XKR4: variants seen among roughly 807,000 people sequenced by gnomAD.
The protein encoded by XKR4 is XK related 4.
XKR4 carries 12 observed loss-of-function variants against 53.9 expected under a neutral mutation model. The observed-to-expected ratio is 0.22, with a 90% confidence interval of 0.14 to 0.36. XKR4 has a LOEUF of 0.36. XKR4 is among the 10% of genes least tolerant of loss of function. The pLI, the probability that XKR4 is intolerant of heterozygous loss-of-function variation, is 1.00. For missense variants in XKR4, 799 were observed against 859.5 expected (o/e 0.93, Z 0.88); for synonymous variants, 354 against 362.4 (o/e 0.98, Z 0.26).
At chr8:55,403,208 T>C (rs1298294485) in intron 2 of XKR4, among the ~76,000 whole-genome samples, 1 of 152,234 alleles carries the variant, frequency 6.6e-6, no homozygotes, top group Non-Finnish European at 1.5e-5. Flanking sequence ...CATATCAGCT[T>C]CAAGCATCTG....
At chr8:55,198,308 G>A (rs555831221) in intron 1 of XKR4, among the ~76,000 whole-genome samples, 1 of 152,222 alleles carries the variant, frequency 6.6e-6, no homozygotes, top group African/African-American at 2.4e-5. Flanking sequence ...GTAGTGTGAC[G>A]CCAAATCTAA....
intron 1 of XKR4, among the ~76,000 whole-genome samples, chr8:55,205,846 C>T (rs767507145): frequency 5.3e-5 from 8 of 152,148 alleles, no homozygotes; most frequent in African/African-American, 9.7e-5. Context: ...AATGAAGTCG[C>T]GGACCCTCGT....
chr8:55,162,650 A>G (rs1280128824), intron 1 of XKR4, among the ~76,000 whole-genome samples: 1 of 152,150 alleles, frequency 6.6e-6, no homozygotes, highest in African/African-American at 2.4e-5. Flanking sequence ...TTTCCACTAC[A>G]ATTGAAAGTC....
chr8:55,471,433 G>A (rs903173470), intron 2 of XKR4, among the ~76,000 whole-genome samples: 2 of 152,078 alleles, frequency 1.3e-5, no homozygotes, highest in African/African-American at 2.4e-5. Flanking sequence ...TTAGAAGTGC[G>A]CATCCATGCA....
intron 2 of XKR4, among the ~76,000 whole-genome samples, chr8:55,498,767 T>G (rs1563367095): frequency 1.3e-5 from 2 of 152,020 alleles, no homozygotes; most frequent in African/African-American, 4.8e-5. Flanking sequence ...AATGAGACCC[T>G]GAGAGAGACA....
chr8:55,314,637 A>G (rs2086976150), intron 1 of XKR4, among the ~76,000 whole-genome samples: 1 of 152,186 alleles, frequency 6.6e-6, no homozygotes, highest in Non-Finnish European at 1.5e-5. Flanking sequence ...TTTGACCACA[A>G]TATTTGATTT....
chr8:55,489,592 G>C (rs1442169170), intron 2 of XKR4, among the ~76,000 whole-genome samples: 1 of 150,256 alleles, frequency 6.7e-6, no homozygotes, highest in Non-Finnish European at 1.5e-5. Flanking sequence ...TAACACTTTT[G>C]TTATTTAAAA....
intron 2 of XKR4, among the ~76,000 whole-genome samples, chr8:55,479,687 A>T (rs909199941): frequency 3.3e-5 from 5 of 152,182 alleles, no homozygotes; most frequent in African/African-American, 1.2e-4. Flanking sequence ...AGAAGAATCA[A>T]ATAGGCGCAA....
chr8:55,406,137 A>G (rs1804678801), intron 2 of XKR4, among the ~76,000 whole-genome samples: 1 of 152,258 alleles, frequency 6.6e-6, no homozygotes, highest in Non-Finnish European at 1.5e-5. Flanking sequence ...GTGATTTAAC[A>G]GTAATAAGAC....
chr8:55,212,304 CTG>C (rs1190128838), intron 1 of XKR4, among the ~76,000 whole-genome samples: 1 of 152,178 alleles, frequency 6.6e-6, no homozygotes, highest in Non-Finnish European at 1.5e-5. Context: ...AGAAGATTCT[CTG>C]TGGAATGTAG....
At chr8:55,318,789 C>A (rs1270268811) in intron 1 of XKR4, among the ~76,000 whole-genome samples, 1 of 152,140 alleles carries the variant, frequency 6.6e-6, no homozygotes, top group African/African-American at 2.4e-5. Flanking sequence ...ACCTCCAGAG[C>A]AGTGTTTCAT....
At chr8:55,113,913 T>C (rs1816269959) in intron 1 of XKR4, among the ~76,000 whole-genome samples, 1 of 152,208 alleles carries the variant, frequency 6.6e-6, no homozygotes, top group Non-Finnish European at 1.5e-5. Context: ...TTTACTCTTT[T>C]TAGTGGCTGT....
intron 2 of XKR4, among the ~76,000 whole-genome samples, chr8:55,375,976 G>A (rs564846050): frequency 4.3e-4 from 65 of 152,188 alleles, no homozygotes; most frequent in Middle Eastern, 6.8e-3. Context: ...GAGAACATGC[G>A]GTGTTTGGTT....
At chr8:55,285,171 T>C (rs1333627897) in intron 1 of XKR4, among the ~76,000 whole-genome samples, 1 of 152,154 alleles carries the variant, frequency 6.6e-6, no homozygotes, top group Non-Finnish European at 1.5e-5. Flanking sequence ...TTTTCTCAAT[T>C]CTCTAATTTT....
In XKR4 at chr8:55,536,161, C is replaced by A. The variant is rs1585623620; in HGVS notation, c.*11934C>A. The A allele has an allele frequency of 2.0e-5, 3 of 152,304 alleles. No individual in the cohort carries two copies. In the South Asian group the frequency reaches 6.2e-4, roughly 32 times the overall value. 9.4% of individuals were successfully genotyped at this position (152,304 alleles called of 1,614,324 possible). On this transcript the variant is annotated 3_prime_UTR_variant, in exon 3 of 3. Transcript: ENST00000327381. Reference sequence around the variant, plus strand: ...CTCATATTGTGAATCTCAATTCTGCCAGTCACCTAGTCTGTGTATCTGTTC... The same window carrying A: ...CTCATATTGTGAATCTCAATTCTGCAAGTCACCTAGTCTGTGTATCTGTTC...
intron 1 of XKR4, among the ~76,000 whole-genome samples, chr8:55,325,131 A>G (rs1282398545): frequency 6.6e-6 from 1 of 152,220 alleles, no homozygotes; most frequent in Non-Finnish European, 1.5e-5. Flanking sequence ...TATCAAAGAG[A>G]TTTTAAAAAA....
chr8:55,397,864 G>T (rs935390145), intron 2 of XKR4, among the ~76,000 whole-genome samples: 1 of 152,140 alleles, frequency 6.6e-6, no homozygotes, highest in African/African-American at 2.4e-5. Flanking sequence ...GGGCTACTCA[G>T]TGGGAGCCTG....
chr8:55,102,505 A>G lies in XKR4; in HGVS notation c.17A>G (p.Asp6Gly). The change falls in exon 1 of 3, where the codon GAC becomes GGC. Residue 6 changes from aspartate to glycine, a missense_variant. By Grantham distance (94) the Asp-to-Gly change is moderately conservative. Transcript: ENST00000327381. This position sits in a 1 kb window ranked among gnomAD's most constrained non-coding sequence, Gnocchi z 5.1. The part of the protein sequence containing the change: MAAKS[D>G]GRLKMKKSSD... ...GGAGGCATCATGGCCGCTAAATCAG[A>G]CGGGAGGCTGAAAATGAAGAAAAGC... 1 of 1,548,828 alleles carries G rather than the reference A, an allele frequency of 6.5e-7. No homozygotes were observed.
rs1807024354 is a variant in XKR4, at chr8:55,535,821, T to C, written c.*11594T>C. On this transcript the variant is annotated 3_prime_UTR_variant, in exon 3 of 3. Coordinates refer to ENST00000327381, the MANE Select transcript of XKR4 (RefSeq NM_052898.2). ...CCTGACGAAAGTGGGAAAACAGAGA[T>C]GTCAGTGGTGTCATGTCTAAGAGTG... is the stretch of plus-strand genomic sequence containing the variant. 6.6e-6 allele frequency: 1 copy of C among 152,264 alleles called. No individual in the cohort carries two copies. Among genetic ancestry groups the C allele is most frequent in the Admixed American group, 6.5e-5 (1 of 15,280 alleles). 9.4% of individuals were successfully genotyped at this position (152,264 alleles called of 1,614,324 possible).
Sources: gnomAD v4.1 joint callset for allele counts (sites outside exome capture counted in the v4.1 genomes callset) on GRCh38, gnomAD v4.1.1 for gene constraint, Gnocchi (gnomAD v3.1) non-coding constraint, MANE v1.5 for transcripts, NCBI Gene and HGNC (gene_info 2026-07-23, HGNC 2026-07-21) for gene names.